GYPC: variants seen among roughly 807,000 people sequenced by gnomAD.
GYPC encodes glycophorin C (Gerbich blood group).
Under a neutral mutation model 12.6 loss-of-function variants are expected in GYPC, and 14 were observed. The observed-to-expected ratio is 1.11, with a 90% CI of 0.74 to 1.74. The LOEUF is 1.74. Among genes scored for constraint, GYPC ranks in the 40% most tolerant of loss-of-function variants. The pLI, the probability that GYPC is intolerant of heterozygous loss-of-function variation, is 0.00. For synonymous variants in GYPC, 78 were observed against 62.1 expected (o/e 1.26, Z -1.20); for missense variants, 225 against 172.1 (o/e 1.31, Z -1.72).
rs1382229589 is a variant in GYPC, at chr2:126,695,959, T to G, written c.204T>G (p.Ala68=). ...TCCCACCTGCAGGTGTGATTGCTGC[T>G]GTGGCCATCGTCCTAGTCTCCCTCC... The part of the protein sequence containing the change: ...DIVVIAGVIA[A]VAIVLVSLLF... Residue 68 remains alanine, a synonymous_variant, in exon 4 of 4, where the codon GCT becomes GCG. Coordinates refer to ENST00000259254, the MANE Select transcript of GYPC (RefSeq NM_002101.5). 2 of 1,613,890 alleles carry G rather than the reference T, an allele frequency of 1.2e-6. No homozygotes were observed. The highest frequency in any genetic ancestry group is 1.7e-6 in the Non-Finnish European group (2 of 1,179,934).
intron 1 of GYPC, among the ~76,000 whole-genome samples, chr2:126,665,376 T>C (rs1160618512): frequency 6.6e-6 from 1 of 152,240 alleles, no homozygotes; most frequent in East Asian, 1.9e-4. Context: ...AACTTTATCA[T>C]AGTTATTCGC....
At chr2:126,689,234 T>C (rs1683380630) in intron 1 of GYPC, among the ~76,000 whole-genome samples, 1 of 152,022 alleles carries the variant, frequency 6.6e-6, no homozygotes, top group African/African-American at 2.4e-5. Flanking sequence ...AGAGAGAAAG[T>C]GCACTCCAGA....
At chr2:126,679,269 T>G (rs1683094009) in intron 1 of GYPC, among the ~76,000 whole-genome samples, 1 of 152,150 alleles carries the variant, frequency 6.6e-6, no homozygotes, top group Admixed American at 6.6e-5. Context: ...CAGGCTCACA[T>G]GCAGAGGATG....
rs1234458624 is a variant in GYPC, at chr2:126,686,671, G to A, written c.50-3584G>A. ...GTAGGGTGTTGCAGGGGGCCGGGGG[G>A]ACCTTGCAACCTGGAGGAGGGCTGG... On this transcript the variant is annotated intron_variant, in intron 1 of 3. Transcript: ENST00000259254. The A allele has an allele frequency of 6.1e-6, 6 of 985,190 alleles. No individual in the cohort carries two copies. The Admixed American group carries it at 1.8e-4, about 30-fold the overall frequency. 61.0% of individuals were successfully genotyped at this position (985,190 alleles called of 1,614,324 possible).
chr2:126,662,850 G>T (rs28387101), intron 1 of GYPC, among the ~76,000 whole-genome samples: 2 of 152,144 alleles, frequency 1.3e-5, no homozygotes, highest in East Asian at 3.9e-4. Context: ...GAGTGTGTGC[G>T]TGTGTGCTTA....
intron 1 of GYPC, chr2:126,686,757 A>G (rs1450495815): frequency 3.3e-6 from 3 of 907,662 alleles, no homozygotes; most frequent in South Asian, 5.1e-5. Flanking sequence ...TGTCTGTCCA[A>G]TCGTTGTGCT....
At chr2:126,695,827 C>A in intron 3 of GYPC, 119 bp from the exon 4 acceptor site, 1 of 787,526 alleles carries the variant, frequency 1.3e-6, no homozygotes, top group Non-Finnish European at 2.3e-6. Context: ...AATCAAGGAG[C>A]ATCTCTTTTG....
chr2:126,692,916 T>C (rs939654431), intron 2 of GYPC, among the ~76,000 whole-genome samples: 2 of 152,174 alleles, frequency 1.3e-5, no homozygotes, highest in African/African-American at 4.8e-5. Context: ...CAAGGGCACA[T>C]CACGTCTCTG....
rs534569899 is a variant in GYPC, at chr2:126,685,424, G to A, written c.50-4831G>A. ...TTTTGAGAGGGATTCTCACTCTGTC[G>A]CCCAGGTTGGAGTGCAATGATGCAA... On this transcript the variant is annotated intron_variant, in intron 1 of 3. Transcript: ENST00000259254. Among the ~76,000 whole-genome samples the A allele has an allele frequency of 5.3e-5, 8 of 149,914 alleles. No individual in the cohort carries two copies. In the South Asian group the frequency reaches 6.3e-4, roughly 12 times the overall value.
intron 2 of GYPC, among the ~76,000 whole-genome samples, chr2:126,692,671 A>G (rs546783669): frequency 6.6e-6 from 1 of 152,284 alleles, no homozygotes; most frequent in Non-Finnish European, 1.5e-5. Context: ...AATGTCCTAG[A>G]CATCCTACCC....
chr2:126,656,319 A>T lies in GYPC; in HGVS notation c.49+7A>T. On this transcript the variant is annotated splice_region_variant and intron_variant, in intron 1 of 3. Transcript: ENST00000259254. Reference sequence around the variant, plus strand: ...GCGTGGCCTCTCAGCCTCGGTGAGTACCCGCCGTGGGGAAGGGTCCTGGGG... The same window carrying T: ...GCGTGGCCTCTCAGCCTCGGTGAGTTCCCGCCGTGGGGAAGGGTCCTGGGG... 1 of 1,558,096 alleles carries T rather than the reference A, an allele frequency of 6.4e-7. No individual in the cohort carries two copies. The highest frequency in any genetic ancestry group is 1.2e-5 in the South Asian group (1 of 85,244).
intron 1 of GYPC, 97 bp from the exon 2 acceptor site, chr2:126,690,158 T>C: frequency 1.1e-6 from 1 of 877,402 alleles, no homozygotes; most frequent in East Asian, 2.4e-5. Context: ...TTCTCAGAGC[T>C]GCTCACACCT....
intron 1 of GYPC, among the ~76,000 whole-genome samples, chr2:126,683,329 A>AT (rs1683199954): frequency 6.6e-6 from 1 of 151,898 alleles, no homozygotes; most frequent in South Asian, 2.1e-4. Flanking sequence ...CAAAAAAAAA[A>AT]GGATATTTGC....
At chr2:126,661,614 G>A (rs1010779575) in intron 1 of GYPC, among the ~76,000 whole-genome samples, 1 of 152,076 alleles carries the variant, frequency 6.6e-6, no homozygotes, top group Non-Finnish European at 1.5e-5. Flanking sequence ...CACCATGCCT[G>A]GCTAATTTTG....
At chr2:126,686,304 C>T in intron 1 of GYPC, 1 of 985,716 alleles carries the variant, frequency 1.0e-6, no homozygotes, top group Non-Finnish European at 1.2e-6. Flanking sequence ...TGCACTCAAG[C>T]TGCCAACTGA....
intron 1 of GYPC, among the ~76,000 whole-genome samples, chr2:126,670,618 G>A (rs1682824502): frequency 6.6e-6 from 1 of 152,216 alleles, no homozygotes; most frequent in South Asian, 2.1e-4. Flanking sequence ...CTGGGCTACA[G>A]GCACAGCTCA....
chr2:126,659,668 G>A (rs1052674451), intron 1 of GYPC, among the ~76,000 whole-genome samples: 4 of 152,098 alleles, frequency 2.6e-5, no homozygotes, highest in Non-Finnish European at 5.9e-5. Flanking sequence ...GTTGTTTTTC[G>A]CTTTTGATAA....
At chr2:126,695,700 G>A (rs185795031) in intron 3 of GYPC, among the ~76,000 whole-genome samples, 16 of 152,342 alleles carry the variant, frequency 1.1e-4, no homozygotes, top group Admixed American at 8.5e-4. Context: ...TTCTGAGCCT[G>A]CTTAAGGTAG....
intron 2 of GYPC, among the ~76,000 whole-genome samples, chr2:126,690,878 G>T (rs1683442910): frequency 7.1e-6 from 1 of 140,156 alleles, no homozygotes; most frequent in African/African-American, 2.7e-5. Context: ...GGTGCTGTGT[G>T]CTCTGCGACC....
Sources: allele counts gnomAD v4.1 joint callset (sites outside exome capture counted in the v4.1 genomes callset), GRCh38; gene constraint gnomAD v4.1.1; transcripts MANE v1.5; gene names NCBI Gene and HGNC (gene_info 2026-07-23, HGNC 2026-07-21).